The following BCL9L variants were observed in gnomAD, a reference collection of about 807,000 sequenced individuals.
The protein encoded by BCL9L is BCL9 like.
A neutral mutation model predicts 99.4 loss-of-function variants in BCL9L; 19 were observed. That is an observed-to-expected ratio of 0.19 (90% CI 0.13 to 0.28). The LOEUF is 0.28. Among genes scored for constraint, BCL9L ranks in the 10% least tolerant of loss-of-function variants. The probability of loss-of-function intolerance (pLI) is 1.00; values close to 1 mark genes in which losing one functional copy is unlikely to be tolerated. For missense variants in BCL9L, 2,023 were observed against 2,101.6 expected, an observed-to-expected ratio of 0.96 and a Z score of 0.73; for synonymous variants, 900 against 854.8, an observed-to-expected ratio of 1.05 and a Z score of -0.92.
Position 118,899,966 on chromosome 11 carries a change from G to A in BCL9L, c.3357C>T (p.Pro1119=), listed in dbSNP as rs201899101. 6.9e-5 allele frequency: 111 copies of A among 1,613,912 alleles called. No homozygotes were observed. The East Asian group carries it at 1.7e-3, about 25-fold the overall frequency. The change falls in exon 9 of 10, where the codon CCC becomes CCT. Residue 1119 remains proline, a synonymous_variant. Transcript: ENST00000683865. ...TIATSDDELL[P]DRPLLPPPPP... ...GTGGGGGGGGCAGCAGGGGCCGGTC[G>A]GGCAGCAGCTCGTCGTCTGAGGTGG...
chr11:118,918,521 G>A (rs2134439557), intron 2 of BCL9L, among the ~76,000 whole-genome samples: 1 of 152,126 alleles, frequency 6.6e-6, no homozygotes, highest in Non-Finnish European at 1.5e-5. Context: ...TGGGGGGTGA[G>A]ATCCGCTGAG....
At chr11:118,912,916 C>G (rs1027116080) in intron 2 of BCL9L, among the ~76,000 whole-genome samples, 1 of 152,146 alleles carries the variant, frequency 6.6e-6, no homozygotes, top group Non-Finnish European at 1.5e-5. Context: ...GCGCCCGAGA[C>G]GACAGGGTCC....
chr11:118,901,490 A>G lies in BCL9L; in HGVS notation c.2253T>C (p.Pro751=). 1 of 1,614,004 alleles carries G rather than the reference A, an allele frequency of 6.2e-7. No homozygotes were observed. The highest frequency in any genetic ancestry group is 1.3e-5 in the African/African-American group (1 of 75,016). Residue 751 remains proline (P), a synonymous_variant, in exon 8 of 10, where the codon CCT becomes CCC. Transcript: ENST00000683865. This position sits in a 1 kb window ranked among gnomAD's most constrained non-coding sequence, Gnocchi z 6.6. Reference sequence around the variant, plus strand: ...CCCTCAGCCCAGACTGCCCCATGGGAGGGCTCAGGAGGCCCCGGCCTCCAC... The same window carrying G: ...CCCTCAGCCCAGACTGCCCCATGGGGGGGCTCAGGAGGCCCCGGCCTCCAC... ...EFGGGRGLLS[P]PMGQSGLREV...
chr11:118,899,041 C>G lies in BCL9L; in HGVS notation c.3874G>C (p.Ala1292Pro), dbSNP rs771126846. 1.2e-6 allele frequency: 2 copies of G among 1,612,972 alleles called. No individual in the cohort carries two copies. The highest frequency in any genetic ancestry group is 1.7e-6 in the Non-Finnish European group (2 of 1,179,802). The change falls in exon 10 of 10, where the codon GCA (alanine) becomes CCA (proline). Residue 1292 changes from alanine (A) to proline (P), a missense_variant. By Grantham distance (27) the Ala-to-Pro change is conservative. Transcript: ENST00000683865. ...GKAMAGRMGD[A>P]YPPGVLPGVA... Reference sequence around the variant, plus strand: ...CCAGGGAGCACACCCGGTGGGTATGCGTCGCCCATGCGCCCAGCCATGGCT... The same window carrying G: ...CCAGGGAGCACACCCGGTGGGTATGGGTCGCCCATGCGCCCAGCCATGGCT...
chr11:118,909,547 A>C (rs1940691892), intron 3 of BCL9L, among the ~76,000 whole-genome samples: 2 of 151,834 alleles, frequency 1.3e-5, no homozygotes, highest in African/African-American at 4.8e-5. Flanking sequence ...ACCGCCCCCT[A>C]CTCCAGCTCC....
At position 118,910,029 on chromosome 11, in the gene BCL9L, C is replaced by A; in HGVS notation, c.-76-14G>T. On this transcript the variant is annotated splice_polypyrimidine_tract_variant and intron_variant, in intron 2 of 9. Coordinates refer to ENST00000683865, the MANE Select transcript of BCL9L (RefSeq NM_001378213.1). ...CTGGAGCACGGACTGCAGCAACAAGCCCCAAAGAGAAAACTCGTGACTTGG... is the reference window on the plus strand; with the variant it reads ...CTGGAGCACGGACTGCAGCAACAAGACCCAAAGAGAAAACTCGTGACTTGG... 6.3e-7 allele frequency: 1 copy of A among 1,585,018 alleles called. No individual in the cohort carries two copies. Among genetic ancestry groups the A allele is most frequent in the Non-Finnish European group, 8.6e-7 (1 of 1,158,590 alleles).
In BCL9L at chr11:118,902,962, C is replaced by T; in HGVS notation, c.834+28G>A. On this transcript the variant is annotated intron_variant, in intron 7 of 9. Transcript: ENST00000683865. This position sits in a 1 kb window ranked among gnomAD's most constrained non-coding sequence, Gnocchi z 7.8. ...AGGTAAGGGGACGTTCCACCCAGTCCTGCTGCTCACAGAGGCGCCACGCTC... is the reference window on the plus strand; with the variant it reads ...AGGTAAGGGGACGTTCCACCCAGTCTTGCTGCTCACAGAGGCGCCACGCTC... 1.3e-6 allele frequency: 2 copies of T among 1,595,334 alleles called. No individual in the cohort carries two copies. The highest frequency in any genetic ancestry group is 1.7e-6 in the Non-Finnish European group (2 of 1,175,836).
chr11:118,910,543 G>A (rs1239226281), intron 2 of BCL9L: 1 of 152,774 alleles, frequency 6.5e-6, no homozygotes, highest in African/African-American at 2.4e-5. Flanking sequence ...GGGCTCTTCT[G>A]GAGACCAGTA....
intron 5 of BCL9L, among the ~76,000 whole-genome samples, chr11:118,906,286 T>A (rs1591987088): frequency 6.6e-6 from 1 of 151,578 alleles, no homozygotes; most frequent in Non-Finnish European, 1.5e-5. Context: ...TGGGGGGAGG[T>A]GTCTGGTCTG....
In BCL9L at chr11:118,914,494, T is replaced by TG. The variant is rs1026763658; in HGVS notation, c.-77+4331dup. Among the ~76,000 whole-genome samples, 37 of 152,276 alleles carry TG rather than the reference T, an allele frequency of 2.4e-4. No individual in the cohort carries two copies. Among genetic ancestry groups the TG allele is most frequent in the Non-Finnish European group, 4.0e-4 (27 of 68,002 alleles). On this transcript the variant is annotated intron_variant, in intron 2 of 9. Transcript: ENST00000683865. The surrounding 1 kb of genome is among the most constrained non-coding windows in gnomAD (Gnocchi z 4.4). ...TCACACTCTTGGCAGCAGCAGCACC[T>TG]GGGGGCCCCACGAGCTCTGCCCACA...
At position 118,911,927 on chromosome 11, in the gene BCL9L, G is replaced by A. The variant is rs548091203; in HGVS notation, c.-76-1912C>T. 2.6e-5 allele frequency among the ~76,000 whole-genome samples: 4 copies of A among 152,368 alleles called. No homozygotes were observed. In the East Asian group the frequency reaches 7.7e-4, roughly 29 times the overall value. On this transcript the variant is annotated intron_variant, in intron 2 of 9. Transcript: ENST00000683865. Reference sequence around the variant, plus strand: ...AAAATTGAGAACCTGTAAGAATTTGGGAAGGGGCTATTAGAAAATCAGTCC... The same window carrying A: ...AAAATTGAGAACCTGTAAGAATTTGAGAAGGGGCTATTAGAAAATCAGTCC...
intron 4 of BCL9L, among the ~76,000 whole-genome samples, chr11:118,907,842 C>G (rs1379596786): frequency 2.0e-5 from 3 of 152,246 alleles, no homozygotes; most frequent in African/African-American, 7.2e-5. Flanking sequence ...TAATCCCCAA[C>G]CACAACTGGT....
chr11:118,915,362 A>G (rs1940931700), intron 2 of BCL9L, among the ~76,000 whole-genome samples: 1 of 152,216 alleles, frequency 6.6e-6, no homozygotes, highest in Admixed American at 6.5e-5. Context: ...ACCTCCTGCC[A>G]TGGCACCCAA....
rs866249341 is a variant in BCL9L at position 118,901,342 on chromosome 11, G to A, written c.2401C>T (p.Arg801Trp). 8.1e-6 allele frequency: 13 copies of A among 1,613,624 alleles called. No individual in the cohort carries two copies. Among genetic ancestry groups the A allele is most frequent in the African/African-American group, 1.3e-5 (1 of 75,034 alleles). ...QQQMLMSQKMRGPGDLMGPQG... is the reference protein window; with the variant it reads ...QQQMLMSQKMWGPGDLMGPQG... ...GGCCCCATCAAGTCCCCAGGGCCCCGCATCTTCTGCGACATCAGCATCTGC... is the reference window on the plus strand; with the variant it reads ...GGCCCCATCAAGTCCCCAGGGCCCCACATCTTCTGCGACATCAGCATCTGC... Residue 801 changes from arginine (R) to tryptophan (W), a missense_variant, in exon 8 of 10, where the codon CGG becomes TGG. Transcript: ENST00000683865. This position sits in a 1 kb window ranked among gnomAD's most constrained non-coding sequence, Gnocchi z 6.6.
chr11:118,903,430 G>A lies in BCL9L; in HGVS notation c.555C>T (p.Ala185=), dbSNP rs777226052. The change falls in exon 6 of 10, where the codon GCC becomes GCT. Residue 185 remains alanine, a synonymous_variant. Transcript: ENST00000683865. This position sits in a 1 kb window ranked among gnomAD's most constrained non-coding sequence, Gnocchi z 5.6. ...ATHNCNVADP[A]MAAPQLGPGQ... is the part of the protein sequence containing the mutation. ...CGGGACCCAGCTGTGGGGCCGCCAT[G>A]GCTGGGTCTGCTACATTACAATCTG... 4.3e-6 allele frequency: 7 copies of A among 1,613,270 alleles called. No individual in the cohort carries two copies. The South Asian group carries it at 5.5e-5, about 13-fold the overall frequency.
rs1940245420 is a variant in BCL9L at position 118,901,655 on chromosome 11, G to A, written c.2088C>T (p.Gly696=). The change falls in exon 8 of 10, where the codon GGC becomes GGT. Residue 696 remains glycine (G), a synonymous_variant. Transcript: ENST00000683865. The surrounding 1 kb of genome is among the most constrained non-coding windows in gnomAD (Gnocchi z 6.6). ...TCTGTCCCATGCCACTGCCTGCCATGCCCAGGGGGCGCTGCATGCCCATCG... is the reference window on the plus strand; with the variant it reads ...TCTGTCCCATGCCACTGCCTGCCATACCCAGGGGGCGCTGCATGCCCATCG... ...KRSMGMQRPL[G]MAGSGMGQSM... The A allele has an allele frequency of 6.2e-7, 1 of 1,613,654 alleles. No individual in the cohort carries two copies. The highest frequency in any genetic ancestry group is 1.3e-5 in the African/African-American group (1 of 74,946).
At chr11:118,905,771 C>T (rs946728643) in intron 5 of BCL9L, among the ~76,000 whole-genome samples, 7 of 148,796 alleles carry the variant, frequency 4.7e-5, no homozygotes, top group African/African-American at 7.5e-5. Flanking sequence ...AAGCCGAGTT[C>T]GTGCCATTGC....
chr11:118,907,602 T>C lies in BCL9L; in HGVS notation c.413A>G (p.Glu138Gly). 6.2e-7 allele frequency: 1 copy of C among 1,612,294 alleles called. No homozygotes were observed. The highest frequency in any genetic ancestry group is 8.5e-7 in the Non-Finnish European group (1 of 1,180,006). The change falls in exon 5 of 10, where the codon GAG (glutamate) becomes GGG (glycine). Residue 138 changes from glutamate (E) to glycine (G), a missense_variant and splice_region_variant. This residue lies in a region of BCL9L where 1,116 missense variants were observed against 1,194.6 expected (regional missense o/e 0.93). Coordinates refer to ENST00000683865, the MANE Select transcript of BCL9L (RefSeq NM_001378213.1). ...GCGCCGCTTACTCCGCGGCGCCACC[T>C]CTGCCCAGGCAGGACGGAGGAAAGA... ...GTPSLDSEAK[E>G]VAPRSKRRCV...
chr11:118,896,812 G>A lies in BCL9L; in HGVS notation c.*1603C>T, dbSNP rs1287224189. 6.5e-6 allele frequency: 1 copy of A among 152,744 alleles called. No individual in the cohort carries two copies. The highest frequency in any genetic ancestry group is 1.5e-5 in the Non-Finnish European group (1 of 68,076). 9.5% of individuals were successfully genotyped at this position (152,744 alleles called of 1,614,324 possible). A position where few individuals can be genotyped will look rare whatever the true frequency, so the allele number is the denominator to read the frequency against. On this transcript the variant is annotated 3_prime_UTR_variant, in exon 10 of 10. Coordinates refer to ENST00000683865, the MANE Select transcript of BCL9L (RefSeq NM_001378213.1). ...AGAATGGCCCTTGGTCCTGGAGGTG[G>A]GGCGCAAAAGGCCTCAGCCAGGGAA...
Sources: allele counts gnomAD v4.1 joint callset (sites outside exome capture counted in the v4.1 genomes callset), GRCh38; gene constraint gnomAD v4.1.1; regional missense constraint gnomAD v4.1.1; non-coding constraint Gnocchi (gnomAD v3.1); transcripts MANE v1.5; gene names NCBI Gene and HGNC (gene_info 2026-07-23, HGNC 2026-07-21).